The following PCDH15 variants were observed in gnomAD, a reference collection of about 807,000 sequenced individuals.
The protein encoded by PCDH15 is protocadherin-15.
In PCDH15, 129 loss-of-function variants were observed where a neutral mutation model predicts 178.5. The observed-to-expected ratio is 0.72, with a 90% CI of 0.63 to 0.84. PCDH15 has a LOEUF of 0.84. PCDH15 is among the 40% of genes least tolerant of loss of function. The pLI is 0.00. For missense variants in PCDH15, 2,230 were observed against 2,099.9 expected, an observed-to-expected ratio of 1.06 and a Z score of -1.21; for synonymous variants, 800 against 732.0, an observed-to-expected ratio of 1.09 and a Z score of -1.50.
chr10:54,519,475 G>C (rs1222246873), intron 3 of PCDH15, among the ~76,000 whole-genome samples: 6 of 152,068 alleles, frequency 3.9e-5, no homozygotes, highest in Non-Finnish European at 7.4e-5. Flanking sequence ...GCTTCAAAGA[G>C]AATAAAATAC....
chr10:54,046,711 G>A (rs1289139546), intron 18 of PCDH15, among the ~76,000 whole-genome samples: 1 of 152,112 alleles, frequency 6.6e-6, no homozygotes, highest in African/African-American at 2.4e-5. Context: ...TTCTGGTGAT[G>A]CATTCTATAC....
chr10:55,536,018 TA>T (rs1353961998), intron 2 of PCDH15, among the ~76,000 whole-genome samples: 3 of 152,062 alleles, frequency 2.0e-5, no homozygotes, highest in Non-Finnish European at 4.4e-5. Context: ...TGCAGTTTGA[TA>T]AACTGAAAGC....
chr10:55,074,632 T>C (rs11510905), intron 2 of PCDH15, among the ~76,000 whole-genome samples: 10,229 of 152,210 alleles, frequency 0.067, 455 homozygotes, highest in African/African-American at 0.11. Context: ...TTCAGATGGA[T>C]AGATTGCAAA....
chr10:55,248,508 A>G (rs1205613500), intron 1 of PCDH15, among the ~76,000 whole-genome samples: 1 of 152,162 alleles, frequency 6.6e-6, no homozygotes, highest in Admixed American at 6.6e-5. Flanking sequence ...AGATGTATGG[A>G]ATTATAAATG....
chr10:54,970,077 C>T (rs1000738051), intron 2 of PCDH15, among the ~76,000 whole-genome samples: 1 of 152,134 alleles, frequency 6.6e-6, no homozygotes, highest in Non-Finnish European at 1.5e-5. Context: ...GGGCTTTGTC[C>T]TCCTGGATTG....
At position 55,280,444 on chromosome 10, in the gene PCDH15, A is replaced by ATTTTTTTTT. The variant is rs1170034467; in HGVS notation, c.-156+39146_-156+39154dup. Among the ~76,000 whole-genome samples, 221 of 92,052 alleles carry ATTTTTTTTT rather than the reference A, an allele frequency of 2.4e-3. 1 individual carries two copies. Among genetic ancestry groups the ATTTTTTTTT allele is most frequent in the African/African-American group, 9.2e-3 (212 of 23,148 alleles). 60.4% of individuals were successfully genotyped at this position (92,052 alleles called of 152,430 possible). A position where few individuals can be genotyped will look rare whatever the true frequency, so the allele number is the denominator to read the frequency against. ...TAGGTATCTGACACTGCACCCAGCT[A>ATTTTTTTTT]TTTTTTTTTTTTTTTTTTTTTTTTA... On this transcript the variant is annotated intron_variant, in intron 1 of 5. Transcript: ENST00000458638.
chr10:54,779,451 C>CACA (rs1566221534), intron 1 of PCDH15, among the ~76,000 whole-genome samples: 51 of 103,714 alleles, frequency 4.9e-4, no homozygotes, highest in African/African-American at 9.0e-4. Flanking sequence ...TATATATACA[C>CACA]TCATATATGT....
At chr10:53,879,876 T>C (rs1449266857) in intron 26 of PCDH15, among the ~76,000 whole-genome samples, 2 of 152,194 alleles carry the variant, frequency 1.3e-5, no homozygotes, top group Non-Finnish European at 2.9e-5. Flanking sequence ...GGTCTTTAAC[T>C]CCTGGCCTCA....
intron 1 of PCDH15, among the ~76,000 whole-genome samples, chr10:54,713,829 T>A (rs1011807236): frequency 1.3e-5 from 2 of 152,168 alleles, no homozygotes; most frequent in Non-Finnish European, 2.9e-5. Context: ...ACATGTTTTA[T>A]CAAAAAGGTT....
rs544357523 is a variant in PCDH15 at position 54,480,367 on chromosome 10, T to C, written c.157+47445A>G. Among the ~76,000 whole-genome samples, 31 of 152,216 alleles carry C rather than the reference T, an allele frequency of 2.0e-4. 1 individual carries two copies. In the South Asian group the frequency reaches 6.4e-3, roughly 32 times the overall value. ...CAATGGAGGTTAAGTAGCATATCAC[T>C]GCCAAAGAGATTCTCTAGCACTGGT... is the stretch of plus-strand genomic sequence containing the variant. On this transcript the variant is annotated intron_variant, in intron 3 of 37. Transcript: ENST00000644397.
intron 2 of PCDH15, among the ~76,000 whole-genome samples, chr10:55,069,654 C>T (rs1486076419): frequency 6.9e-6 from 1 of 144,264 alleles, no homozygotes; most frequent in Non-Finnish European, 1.5e-5. Flanking sequence ...ATATGTGCCA[C>T]ATTTTCTTAA....
intron 5 of PCDH15, 46 bp from the exon 6 acceptor site, chr10:54,346,530 T>C (rs368820143): frequency 1.1e-4 from 180 of 1,605,664 alleles, no homozygotes; most frequent in Admixed American, 4.3e-4. Context: ...TTTTATCAAC[T>C]GCACACCAGA....
intron 15 of PCDH15, among the ~76,000 whole-genome samples, chr10:54,130,459 T>C (rs2042342693): frequency 6.6e-6 from 1 of 152,126 alleles, no homozygotes; most frequent in Non-Finnish European, 1.5e-5. Flanking sequence ...TACCTATAAC[T>C]GACCCTTATT....
intron 8 of PCDH15, among the ~76,000 whole-genome samples, chr10:54,294,996 T>C (rs951969506): frequency 3.3e-5 from 5 of 152,224 alleles, no homozygotes; most frequent in African/African-American, 1.2e-4. Flanking sequence ...AACTGGGTGA[T>C]AAATTCATAG....
At chr10:54,023,328 C>G (rs2092985629) in intron 18 of PCDH15, 131 bp from the exon 19 acceptor site, 1 of 763,738 alleles carries the variant, frequency 1.3e-6, no homozygotes, top group African/African-American at 1.8e-5. Context: ...GAGGAAATGA[C>G]AATGACAATA....
chr10:55,473,067 T>C (rs1839996149), intron 2 of PCDH15, among the ~76,000 whole-genome samples: 1 of 152,086 alleles, frequency 6.6e-6, no homozygotes, highest in Non-Finnish European at 1.5e-5. Flanking sequence ...AGAATATAAA[T>C]AGTGAAACAC....
intron 3 of PCDH15, among the ~76,000 whole-genome samples, chr10:54,501,615 G>T (rs2080698782): frequency 6.6e-6 from 1 of 152,030 alleles, no homozygotes; most frequent in Non-Finnish European, 1.5e-5. Context: ...TGACAGCAAA[G>T]ATCACTATTT....
intron 2 of PCDH15, among the ~76,000 whole-genome samples, chr10:55,042,812 G>A (rs1332431003): frequency 6.6e-6 from 1 of 152,068 alleles, no homozygotes; most frequent in Non-Finnish European, 1.5e-5. Context: ...CCCATGCTAT[G>A]ATCTACCTTC....
intron 3 of PCDH15, among the ~76,000 whole-genome samples, chr10:54,888,265 T>C (rs11004623): frequency 0.051 from 7,790 of 152,172 alleles, 262 homozygotes; most frequent in South Asian, 0.11. Context: ...ATTTCTAGAC[T>C]TACATATTTG....
Sources: gnomAD v4.1 joint callset for allele counts (sites outside exome capture counted in the v4.1 genomes callset) on GRCh38, gnomAD v4.1.1 for gene constraint, MANE v1.5 for transcripts, NCBI Gene and HGNC (gene_info 2026-07-23, HGNC 2026-07-21) for gene names.